The following TBL1XR1 variants were observed in gnomAD, a reference collection of about 807,000 sequenced individuals.
TBL1XR1 encodes TBL1X/Y related 1, also known as F-box-like/WD repeat-containing protein TBL1XR1.
Under a neutral mutation model 66.9 loss-of-function variants are expected in TBL1XR1, and 5 were observed. The observed-to-expected ratio is 0.07, with a 90% CI of 0.04 to 0.16. The LOEUF (loss-of-function observed/expected upper bound fraction) is 0.16, where lower values mean the gene tolerates loss of function less well. TBL1XR1 is among the 10% of genes least tolerant of loss of function. TBL1XR1 has a pLI of 1.00. For missense variants in TBL1XR1, 238 were observed against 623.2 expected, an observed-to-expected ratio of 0.38 and a Z score of 6.58; for synonymous variants, 210 against 206.0, an observed-to-expected ratio of 1.02 and a Z score of -0.17.
At chr3:177,171,396 A>C (rs1424795441) in intron 1 of TBL1XR1, 2 of 151,870 alleles carry the variant, frequency 1.3e-5, no homozygotes, top group African/African-American at 4.8e-5. Flanking sequence ...CTACCTCCTG[A>C]ATTAGAAGTG....
chr3:177,143,770 CT>C (rs1729908679), intron 1 of TBL1XR1, among the ~76,000 whole-genome samples: 2 of 152,182 alleles, frequency 1.3e-5, no homozygotes, highest in African/African-American at 4.8e-5. Context: ...TAAGATGGGT[CT>C]CTGATAGTTC....
intron 2 of TBL1XR1, among the ~76,000 whole-genome samples, chr3:177,095,495 A>ATT (rs75499027): frequency 0.11 from 7,527 of 70,450 alleles, 269 homozygotes; most frequent in South Asian, 0.23. Flanking sequence ...GTGCAATTAG[A>ATT]TTTTTTTTTT....
chr3:177,084,816 C>T (rs982163237), intron 2 of TBL1XR1, among the ~76,000 whole-genome samples: 4 of 152,220 alleles, frequency 2.6e-5, no homozygotes, highest in African/African-American at 4.8e-5. Flanking sequence ...GAATCCAATC[C>T]GGTCTGACTT....
At chr3:177,035,117 C>T (rs1048447941) in intron 12 of TBL1XR1, among the ~76,000 whole-genome samples, 4 of 152,024 alleles carry the variant, frequency 2.6e-5, no homozygotes, top group Non-Finnish European at 4.4e-5. Flanking sequence ...TTTTTGGTGC[C>T]CTATGTATTT....
At chr3:177,192,495 A>G (rs984260555) in intron 1 of TBL1XR1, among the ~76,000 whole-genome samples, 9 of 145,344 alleles carry the variant, frequency 6.2e-5, no homozygotes, top group African/African-American at 2.3e-4. Flanking sequence ...ATAGCAACAA[A>G]GGCATGCAAA....
chr3:177,196,554 G>A (rs1389011009), intron 1 of TBL1XR1: 1 of 147,764 alleles, frequency 6.8e-6, no homozygotes, highest in East Asian at 2.0e-4. Flanking sequence ...CACGCCGGCC[G>A]GGGTCGCCGC....
At chr3:177,175,469 TC>T (rs1298657270) in intron 1 of TBL1XR1, among the ~76,000 whole-genome samples, 2 of 152,200 alleles carry the variant, frequency 1.3e-5, no homozygotes, top group Admixed American at 1.3e-4. Context: ...ACTAATGTAT[TC>T]AAAATTGAGA....
intron 1 of TBL1XR1, among the ~76,000 whole-genome samples, chr3:177,165,815 G>C (rs1732753014): frequency 6.6e-6 from 1 of 152,142 alleles, no homozygotes; most frequent in African/African-American, 2.4e-5. Flanking sequence ...ATAGATCACA[G>C]AGCCAGGTTC....
Position 177,044,513 on chromosome 3 carries a change from A to G in TBL1XR1, c.925+1616T>C, listed in dbSNP as rs563609051. On this transcript the variant is annotated intron_variant, in intron 10 of 15. Coordinates refer to ENST00000457928, the MANE Select transcript of TBL1XR1 (RefSeq NM_024665.7). The stretch of plus-strand genomic sequence containing the variant: ...ATGTAATCTAATCTCTGGGGATGGG[A>G]GAGAGATATCACTAAGGGGCAAGAA... Among the ~76,000 whole-genome samples, 4 of 152,258 alleles carry G rather than the reference A, an allele frequency of 2.6e-5. No individual in the cohort carries two copies. The East Asian group carries it at 7.7e-4, about 29-fold the overall frequency.
intron 2 of TBL1XR1, among the ~76,000 whole-genome samples, chr3:177,072,889 C>T (rs1418277533): frequency 6.6e-6 from 1 of 152,072 alleles, no homozygotes; most frequent in Non-Finnish European, 1.5e-5. Context: ...CATGGCGAAA[C>T]CCTGTCTCTA....
At chr3:177,146,609 T>TAAAAAAAAAAAAAAAAA (rs1730289418) in intron 1 of TBL1XR1, among the ~76,000 whole-genome samples, 1 of 46,852 alleles carries the variant, frequency 2.1e-5, no homozygotes. Flanking sequence ...AAAAAAAAAG[T>TAAAAAAAAAAAAAAAAA]TGTATTCACT....
At chr3:177,169,401 T>C (rs1045307952) in intron 1 of TBL1XR1, among the ~76,000 whole-genome samples, 27 of 152,188 alleles carry the variant, frequency 1.8e-4, no homozygotes, top group Non-Finnish European at 2.1e-4. Context: ...AACAATCAGA[T>C]TGACATTTCA....
intron 1 of TBL1XR1, among the ~76,000 whole-genome samples, chr3:177,154,455 G>C (rs959069346): frequency 6.6e-6 from 1 of 151,698 alleles, no homozygotes; most frequent in Non-Finnish European, 1.5e-5. Context: ...GGAGTACAAT[G>C]GTACAATCTC....
At chr3:177,080,328 C>A (rs1031740771) in intron 2 of TBL1XR1, among the ~76,000 whole-genome samples, 4 of 152,102 alleles carry the variant, frequency 2.6e-5, no homozygotes, top group African/African-American at 9.7e-5. Context: ...TCACCTTTGG[C>A]CAGACTGCCC....
intron 1 of TBL1XR1, among the ~76,000 whole-genome samples, chr3:177,115,353 G>C (rs1170113472): frequency 1.3e-5 from 2 of 152,146 alleles, no homozygotes; most frequent in African/African-American, 2.4e-5. Context: ...GTATTTATAA[G>C]AGAGACTGAA....
At chr3:177,187,933 G>A (rs1304640723) in intron 1 of TBL1XR1, among the ~76,000 whole-genome samples, 2 of 132,970 alleles carry the variant, frequency 1.5e-5, no homozygotes, top group African/African-American at 2.9e-5. Flanking sequence ...AGAGTCCAGA[G>A]TACAATTTCC....
At chr3:177,043,152 C>T (rs1715834896) in intron 10 of TBL1XR1, among the ~76,000 whole-genome samples, 1 of 152,072 alleles carries the variant, frequency 6.6e-6, no homozygotes, top group Admixed American at 6.6e-5. Flanking sequence ...TCCATTGTTG[C>T]TATAAATGTC....
intron 2 of TBL1XR1, among the ~76,000 whole-genome samples, chr3:177,073,634 C>T (rs1185159856): frequency 2.0e-5 from 3 of 152,160 alleles, no homozygotes; most frequent in African/African-American, 4.8e-5. Context: ...CTACACTACA[C>T]GCCTGCCACT....
chr3:177,134,225 T>A (rs922645105), intron 1 of TBL1XR1, among the ~76,000 whole-genome samples: 2 of 152,188 alleles, frequency 1.3e-5, no homozygotes, highest in African/African-American at 4.8e-5. Flanking sequence ...ATCTTTCCCG[T>A]TTTTTGCTTC....
Sources: gnomAD v4.1 joint callset for allele counts (sites outside exome capture counted in the v4.1 genomes callset) on GRCh38, gnomAD v4.1.1 for gene constraint, MANE v1.5 for transcripts, NCBI Gene and HGNC (gene_info 2026-07-23, HGNC 2026-07-21) for gene names.